FBXO32: variants seen among roughly 807,000 people sequenced by gnomAD.
FBXO32 encodes the protein F-box protein 32.
FBXO32 carries 15 observed loss-of-function variants against 48.3 expected under a neutral mutation model. The ratio of observed to expected loss-of-function variants is 0.31; its 90% CI spans 0.21 to 0.48. The LOEUF is 0.48. FBXO32 is among the 20% of genes least tolerant of loss of function. The pLI is 0.99. For synonymous variants in FBXO32, 154 were observed against 165.9 expected, an observed-to-expected ratio of 0.93 and a Z score of 0.55; for missense variants, 309 against 432.7, an observed-to-expected ratio of 0.71 and a Z score of 2.54.
chr8:123,521,187 C>G (rs1252382090), intron 4 of FBXO32, among the ~76,000 whole-genome samples: 1 of 152,244 alleles, frequency 6.6e-6, no homozygotes, highest in Admixed American at 6.5e-5. Context: ...ACCCTCAAGA[C>G]AGCAAGTGTT....
chr8:123,520,403 G>A (rs1563923182), intron 4 of FBXO32, among the ~76,000 whole-genome samples: 1 of 152,056 alleles, frequency 6.6e-6, no homozygotes, highest in Non-Finnish European at 1.5e-5. Context: ...CTGGGCATCC[G>A]GCATGATCTG....
intron 7 of FBXO32, 120 bp from the exon 8 acceptor site, chr8:123,504,867 GC>G: frequency 1.1e-6 from 1 of 899,336 alleles, no homozygotes; most frequent in East Asian, 2.7e-5. Context: ...CTCTACAATA[GC>G]CAGGAAGGAA....
intron 4 of FBXO32, among the ~76,000 whole-genome samples, chr8:123,516,602 T>C (rs1236566833): frequency 6.6e-6 from 1 of 152,192 alleles, no homozygotes; most frequent in Non-Finnish European, 1.5e-5. Context: ...TCCATGGCAT[T>C]TGCATAACAT....
intron 4 of FBXO32, among the ~76,000 whole-genome samples, chr8:123,515,734 G>A (rs905209249): frequency 1.8e-4 from 27 of 151,808 alleles, no homozygotes; most frequent in African/African-American, 6.3e-4. Context: ...TGGCTCATGC[G>A]TGTAATCCCA....
chr8:123,513,074 AAGC>A lies in FBXO32; in HGVS notation c.651+121_651+123del. The A allele has an allele frequency of 2.7e-6, 3 of 1,093,580 alleles. No individual in the cohort carries two copies. The highest frequency in any genetic ancestry group is 3.9e-6 in the Non-Finnish European group (3 of 764,498). 67.7% of individuals were successfully genotyped at this position (1,093,580 alleles called of 1,614,324 possible). On this transcript the variant is annotated intron_variant, in intron 6 of 8. Coordinates refer to ENST00000517956, the MANE Select transcript of FBXO32 (RefSeq NM_058229.4). This position sits in a 1 kb window ranked among gnomAD's most constrained non-coding sequence, Gnocchi z 4.3. ...CCAGCCCACCCTCAGCACCAGAACA[AAGC>A]AGCAGATCAGAAAAGACCAGACTCT...
At chr8:123,532,365 G>A (rs1269695803) in intron 3 of FBXO32, among the ~76,000 whole-genome samples, 11 of 152,184 alleles carry the variant, frequency 7.2e-5, no homozygotes, top group African/African-American at 2.2e-4. Flanking sequence ...TGACTGTAAC[G>A]TACTCCTGGG....
chr8:123,524,550 T>G (rs1209775541), intron 4 of FBXO32, among the ~76,000 whole-genome samples: 1 of 152,188 alleles, frequency 6.6e-6, no homozygotes, highest in Admixed American at 6.6e-5. Flanking sequence ...TTTTATCTTT[T>G]TTTGAGACAG....
Position 123,514,220 on chromosome 8 carries a change from G to GA in FBXO32, c.466+19dup, listed in dbSNP as rs1816793119. 6.3e-6 allele frequency: 10 copies of GA among 1,594,962 alleles called. No individual in the cohort carries two copies. The highest frequency in any genetic ancestry group is 7.7e-6 in the Non-Finnish European group (9 of 1,166,522). ...CCTCCATGCCTATAAAAAGGGGCGA[G>GA]AGAGTGAGAGAAGGCTCACCTTTCA... is the stretch of plus-strand genomic sequence containing the variant. On this transcript the variant is annotated intron_variant, in intron 5 of 8. Transcript: ENST00000517956.
rs117691025 is a variant in FBXO32, at chr8:123,521,952, A to G, written c.373-7619T>C. The stretch of plus-strand genomic sequence containing the variant: ...TCCAAGACCCTTATTTACTCAATGA[A>G]TAACACAGATAAAAAACCTGGAAAG... On this transcript the variant is annotated intron_variant, in intron 4 of 8. Transcript: ENST00000517956. Among the ~76,000 whole-genome samples, 1,171 of 152,274 alleles carry G rather than the reference A, an allele frequency of 7.7e-3. 11 individuals are homozygous for G. The highest frequency in any genetic ancestry group is 0.011 in the Non-Finnish European group (754 of 68,022).
intron 4 of FBXO32, among the ~76,000 whole-genome samples, chr8:123,527,946 G>A (rs969057241): frequency 3.9e-5 from 6 of 152,130 alleles, no homozygotes; most frequent in East Asian, 1.9e-4. Context: ...CACAGTACAC[G>A]CCCCAGAAGT....
intron 4 of FBXO32, among the ~76,000 whole-genome samples, chr8:123,519,093 G>A (rs1563922808): frequency 6.6e-6 from 1 of 152,152 alleles, no homozygotes; most frequent in African/African-American, 2.4e-5. Context: ...GCAAAGTGCT[G>A]GGATTACAGG....
At chr8:123,519,648 C>T (rs1816911112) in intron 4 of FBXO32, among the ~76,000 whole-genome samples, 2 of 151,968 alleles carry the variant, frequency 1.3e-5, no homozygotes, top group African/African-American at 2.4e-5. Flanking sequence ...AAAGTGCTAC[C>T]AGCACATTTA....
intron 2 of FBXO32, among the ~76,000 whole-genome samples, chr8:123,533,803 G>A (rs546560651): frequency 2.0e-5 from 3 of 151,880 alleles, no homozygotes; most frequent in South Asian, 4.2e-4. Context: ...GCGAGACTCC[G>A]TCCCCCCGCA....
At chr8:123,517,477 CT>C (rs34410652) in intron 4 of FBXO32, among the ~76,000 whole-genome samples, 36,399 of 146,388 alleles carry the variant, frequency 0.25, 4,692 homozygotes, top group East Asian at 0.44. Context: ...TCCCCCCTAC[CT>C]TTTTTTTTTT....
At chr8:123,517,939 G>A (rs1816872537) in intron 4 of FBXO32, among the ~76,000 whole-genome samples, 2 of 152,286 alleles carry the variant, frequency 1.3e-5, no homozygotes, top group South Asian at 4.1e-4. Flanking sequence ...TCTGCAAAGT[G>A]CCAAACAGTA....
At chr8:123,521,010 A>T (rs889819790) in intron 4 of FBXO32, among the ~76,000 whole-genome samples, 1 of 152,322 alleles carries the variant, frequency 6.6e-6, no homozygotes, top group East Asian at 1.9e-4. Context: ...TCTCAGTTCA[A>T]ACGTGGCCTG....
chr8:123,520,978 C>T (rs1052261694), intron 4 of FBXO32, among the ~76,000 whole-genome samples: 6 of 152,214 alleles, frequency 3.9e-5, no homozygotes, highest in South Asian at 2.1e-4. Flanking sequence ...TTTACATGCT[C>T]GGCTCCATCC....
intron 2 of FBXO32, among the ~76,000 whole-genome samples, chr8:123,533,475 T>G (rs938789722): frequency 1.3e-5 from 2 of 152,026 alleles, no homozygotes; most frequent in Non-Finnish European, 2.9e-5. Context: ...ATACCAAAGC[T>G]CCAAACTACT....
In FBXO32 at chr8:123,540,049, A is replaced by T. The variant is rs910348521; in HGVS notation, c.116+850T>A. ...CCAAGCTGAGCAGGGAGCGCAGCGG[A>T]CCTCAGGTTTCCCGCCAGACCACAG... On this transcript the variant is annotated intron_variant, in intron 1 of 8. Transcript: ENST00000517956. This position sits in a 1 kb window ranked among gnomAD's most constrained non-coding sequence, Gnocchi z 6.4. Among the ~76,000 whole-genome samples, 1 of 152,108 alleles carries T rather than the reference A, an allele frequency of 6.6e-6. No individual in the cohort carries two copies. The highest frequency in any genetic ancestry group is 1.5e-5 in the Non-Finnish European group (1 of 68,022).
Sources: gnomAD v4.1 joint callset for allele counts (sites outside exome capture counted in the v4.1 genomes callset) on GRCh38, gnomAD v4.1.1 for gene constraint, Gnocchi (gnomAD v3.1) non-coding constraint, MANE v1.5 for transcripts, NCBI Gene and HGNC (gene_info 2026-07-23, HGNC 2026-07-21) for gene names.